The following IQSEC1 variants were observed in gnomAD, a reference collection of about 807,000 sequenced individuals.
IQSEC1 encodes IQ motif and SEC7 domain-containing protein 1.
In IQSEC1, 31 loss-of-function variants were observed where a neutral mutation model predicts 91.0. The ratio of observed to expected loss-of-function variants is 0.34; its 90% confidence interval spans 0.26 to 0.46. The LOEUF (loss-of-function observed/expected upper bound fraction) is 0.46, where lower values mean the gene tolerates loss of function less well. Ranked by LOEUF, IQSEC1 falls within the 20% of genes least tolerant of loss-of-function variation. The probability of loss-of-function intolerance (pLI) is 1.00; values close to 1 mark genes in which losing one functional copy is unlikely to be tolerated. For synonymous variants in IQSEC1, 699 were observed against 662.6 expected (o/e 1.05, Z -0.84); for missense variants, 1,388 against 1,575.6 (o/e 0.88, Z 2.02).
At chr3:12,907,552 A>G (rs1013498685) in intron 12 of IQSEC1, among the ~76,000 whole-genome samples, 2 of 152,162 alleles carry the variant, frequency 1.3e-5, no homozygotes, top group Non-Finnish European at 2.9e-5. Flanking sequence ...ACACTCCTTG[A>G]GCAGCAACAC....
At chr3:12,984,398 G>C (rs1446884792) in intron 1 of IQSEC1, among the ~76,000 whole-genome samples, 3 of 152,204 alleles carry the variant, frequency 2.0e-5, no homozygotes, top group Admixed American at 2.0e-4. Context: ...ACAGGCCCAG[G>C]GCTGAGCTAA....
intron 1 of IQSEC1, among the ~76,000 whole-genome samples, chr3:13,035,914 C>A (rs997861347): frequency 4.6e-5 from 7 of 152,232 alleles, no homozygotes; most frequent in Non-Finnish European, 1.0e-4. Flanking sequence ...GACGCCCAGG[C>A]CACATGGAGA....
chr3:12,943,754 G>A (rs1698972367), intron 1 of IQSEC1, among the ~76,000 whole-genome samples: 1 of 152,206 alleles, frequency 6.6e-6, no homozygotes, highest in Admixed American at 6.5e-5. Context: ...TCCGGCTCCC[G>A]TGAAGCCTGG....
intron 1 of IQSEC1, among the ~76,000 whole-genome samples, chr3:13,034,633 C>T (rs1703968139): frequency 6.6e-6 from 1 of 152,190 alleles, no homozygotes; most frequent in Non-Finnish European, 1.5e-5. Context: ...CAGCCCGTGA[C>T]TCGCACTAGG....
At chr3:13,107,123 A>T (rs931539754) in intron 2 of IQSEC1, among the ~76,000 whole-genome samples, 2 of 152,236 alleles carry the variant, frequency 1.3e-5, no homozygotes, top group African/African-American at 4.8e-5. Context: ...GAAGGCACAG[A>T]GTGGCTCTGG....
At chr3:13,205,608 T>C (rs1694329509) in intron 1 of IQSEC1, among the ~76,000 whole-genome samples, 1 of 142,916 alleles carries the variant, frequency 7.0e-6, no homozygotes, top group Non-Finnish European at 1.5e-5. Flanking sequence ...TTCTCCCTCC[T>C]TCCTGCCCTC....
At chr3:13,185,878 T>A (rs1559272691) in intron 1 of IQSEC1, among the ~76,000 whole-genome samples, 1 of 152,276 alleles carries the variant, frequency 6.6e-6, no homozygotes, top group Non-Finnish European at 1.5e-5. Context: ...TTTCTGGGCA[T>A]ATTTCTCTTC....
chr3:13,051,037 T>C (rs140088315), intron 1 of IQSEC1, among the ~76,000 whole-genome samples: 1 of 152,320 alleles, frequency 6.6e-6, no homozygotes, highest in African/African-American at 2.4e-5. Context: ...TGGCACCCAG[T>C]TTCCCTGAAG....
At chr3:12,958,164 A>G (rs967543080) in intron 1 of IQSEC1, among the ~76,000 whole-genome samples, 1 of 152,212 alleles carries the variant, frequency 6.6e-6, no homozygotes, top group African/African-American at 2.4e-5. Context: ...GACCTGGTGC[A>G]GGTGCTGCCC....
At chr3:13,114,294 G>A (rs1407501386) in intron 2 of IQSEC1, among the ~76,000 whole-genome samples, 1 of 152,174 alleles carries the variant, frequency 6.6e-6, no homozygotes, top group Non-Finnish European at 1.5e-5. Flanking sequence ...GTTCTCAGGG[G>A]ATATATGCCC....
At chr3:13,183,935 T>C (rs1693889521) in intron 1 of IQSEC1, among the ~76,000 whole-genome samples, 1 of 152,216 alleles carries the variant, frequency 6.6e-6, no homozygotes, top group African/African-American at 2.4e-5. Context: ...CCTCAAAAGA[T>C]ACAAACTGTC....
At chr3:12,962,074 G>A (rs1222781760) in intron 1 of IQSEC1, among the ~76,000 whole-genome samples, 2 of 152,232 alleles carry the variant, frequency 1.3e-5, no homozygotes, top group African/African-American at 4.8e-5. Context: ...AGGGAGGGAT[G>A]GGATGAGATG....
intron 1 of IQSEC1, chr3:13,015,626 G>C: frequency 1.0e-6 from 1 of 985,348 alleles, no homozygotes; most frequent in Non-Finnish European, 1.2e-6. Context: ...CCAGTGCCTG[G>C]CCTGCCTCTG....
At chr3:13,252,703 C>G (rs915639440) in intron 1 of IQSEC1, among the ~76,000 whole-genome samples, 1 of 148,094 alleles carries the variant, frequency 6.8e-6, no homozygotes, top group African/African-American at 2.6e-5. Context: ...CACCAACAGA[C>G]TTCTTATTAT....
intron 1 of IQSEC1, among the ~76,000 whole-genome samples, chr3:13,257,476 C>T (rs191311182): frequency 4.7e-4 from 71 of 152,286 alleles, no homozygotes; most frequent in Non-Finnish European, 5.4e-4. Flanking sequence ...CAGCATCACC[C>T]CCAACCAGAC....
intron 1 of IQSEC1, among the ~76,000 whole-genome samples, chr3:12,972,076 A>T (rs1700929022): frequency 6.9e-6 from 1 of 144,984 alleles, no homozygotes; most frequent in Non-Finnish European, 1.5e-5. Context: ...TTGGACTGGA[A>T]CCAATGCAAT....
Position 12,979,646 on chromosome 3 carries a change from A to C in IQSEC1, c.24-37781T>G, listed in dbSNP as rs1285458396. 2.0e-5 allele frequency among the ~76,000 whole-genome samples: 3 copies of C among 152,184 alleles called. No individual in the cohort carries two copies. Among genetic ancestry groups the C allele is most frequent in the Non-Finnish European group, 4.4e-5 (3 of 68,024 alleles). On this transcript the variant is annotated intron_variant, in intron 1 of 13. Transcript: ENST00000613206. The surrounding 1 kb of genome is among the most constrained non-coding windows in gnomAD (Gnocchi z 4.3). ...CCATGACTGTATTACTCCCTATATA[A>C]TCAATACATTGCATTAAGCCTTTGT...
At chr3:13,142,085 T>C (rs1289917528) in intron 2 of IQSEC1, among the ~76,000 whole-genome samples, 1 of 152,244 alleles carries the variant, frequency 6.6e-6, no homozygotes. Context: ...CGCACAGTTG[T>C]GTGATCCTGG....
intron 1 of IQSEC1, among the ~76,000 whole-genome samples, chr3:12,943,706 C>A (rs1250303610): frequency 6.6e-6 from 1 of 152,250 alleles, no homozygotes; most frequent in Non-Finnish European, 1.5e-5. Context: ...CCTCACGAGG[C>A]CTGCAGGACC....
Sources: allele counts gnomAD v4.1 joint callset (sites outside exome capture counted in the v4.1 genomes callset), GRCh38; gene constraint gnomAD v4.1.1; non-coding constraint Gnocchi (gnomAD v3.1); transcripts MANE v1.5; gene names NCBI Gene and HGNC (gene_info 2026-07-23, HGNC 2026-07-21).